SPHKAP: variants seen among roughly 807,000 people sequenced by gnomAD.
The protein encoded by SPHKAP is A-kinase anchor protein SPHKAP.
In SPHKAP, 67 loss-of-function variants were observed where a neutral mutation model predicts 137.5. The observed-to-expected ratio is 0.49, with a 90% CI of 0.40 to 0.60. The LOEUF (loss-of-function observed/expected upper bound fraction) is 0.60. SPHKAP is among the 20% of genes least tolerant of loss of function. The pLI is 0.00. For missense variants in SPHKAP, 2,097 were observed against 2,069.3 expected (o/e 1.01, Z -0.26); for synonymous variants, 813 against 785.3 (o/e 1.04, Z -0.59).
intron 7 of SPHKAP, among the ~76,000 whole-genome samples, chr2:228,001,366 C>T (rs1294456624): frequency 1.2e-4 from 16 of 139,118 alleles, no homozygotes; most frequent in African/African-American, 4.2e-4. Flanking sequence ...TAAATATATA[C>T]ACACATAAAT....
intron 3 of SPHKAP, among the ~76,000 whole-genome samples, chr2:228,030,440 G>A (rs1695243990): frequency 1.0e-5 from 1 of 96,174 alleles, no homozygotes; most frequent in Non-Finnish European, 2.0e-5. Flanking sequence ...CTTGAAGCTG[G>A]GAGGCAGAGG....
intron 1 of SPHKAP, 38 bp from the exon 2 acceptor site, chr2:228,132,123 A>C (rs376934675): frequency 1.2e-5 from 18 of 1,478,104 alleles, no homozygotes; most frequent in Non-Finnish European, 1.7e-5. Flanking sequence ...CATTCCAGTG[A>C]GTCATATCTA....
chr2:228,052,037 C>T (rs1696273230), intron 3 of SPHKAP, among the ~76,000 whole-genome samples: 1 of 152,092 alleles, frequency 6.6e-6, no homozygotes, highest in African/African-American at 2.4e-5. Context: ...TCTAGCCCAA[C>T]AAAAGCGAGC....
At chr2:228,180,986 G>T (rs1384527796) in intron 1 of SPHKAP, among the ~76,000 whole-genome samples, 2 of 152,074 alleles carry the variant, frequency 1.3e-5, no homozygotes, top group Non-Finnish European at 2.9e-5. Flanking sequence ...ACTGGCAGGG[G>T]GTGTGGGGAC....
intron 1 of SPHKAP, among the ~76,000 whole-genome samples, chr2:228,154,610 A>C (rs1700050538): frequency 7.8e-6 from 1 of 127,814 alleles, no homozygotes; most frequent in South Asian, 2.7e-4. Context: ...GTGCAGTGGC[A>C]CGATCTAGGC....
chr2:228,154,484 C>CTCTCTT (rs1700036296), intron 1 of SPHKAP, among the ~76,000 whole-genome samples: 2 of 32,516 alleles, frequency 6.2e-5, no homozygotes, highest in Non-Finnish European at 1.1e-4. Flanking sequence ...TAAATAAACT[C>CTCTCTT]TCTCTCTCTC....
rs532332796 is a variant in SPHKAP, at chr2:227,996,622, G to A, written c.4449-928C>T. Among the ~76,000 whole-genome samples, 18 of 152,224 alleles carry A rather than the reference G, an allele frequency of 1.2e-4. 1 individual carries two copies. The East Asian group carries it at 2.7e-3, about 23-fold the overall frequency. The stretch of plus-strand genomic sequence containing the variant: ...CTGGATTCTGGGCTCCTTTACAAGC[G>A]GGTCTTCTGCATATCTCATTAACAT... On this transcript the variant is annotated intron_variant, in intron 7 of 11. Transcript: ENST00000392056.
intron 2 of SPHKAP, chr2:228,131,350 G>A: frequency 1.0e-6 from 1 of 975,852 alleles, no homozygotes; most frequent in Non-Finnish European, 1.2e-6. Flanking sequence ...AAAAGCATTA[G>A]ATGGGGAACC....
Position 228,035,902 on chromosome 2 carries a change from C to T in SPHKAP, c.247-8359G>A, listed in dbSNP as rs10210779. On this transcript the variant is annotated intron_variant, in intron 3 of 11. Coordinates refer to ENST00000392056, the MANE Select transcript of SPHKAP (RefSeq NM_001142644.2). The stretch of plus-strand genomic sequence containing the variant: ...TAATTCAAGATGGATTAAAGACTTA[C>T]ATGTTAGACCTAAAACCATAAAAAC... Among the ~76,000 whole-genome samples, 75 of 151,660 alleles carry T rather than the reference C, an allele frequency of 4.9e-4. No individual in the cohort carries two copies. In the East Asian group the frequency reaches 0.01, roughly 21 times the overall value.
chr2:228,001,524 TATACATATATATAAAAATATAC>T (rs1481130146), intron 7 of SPHKAP, among the ~76,000 whole-genome samples: 1 of 144,428 alleles, frequency 6.9e-6, no homozygotes, highest in Non-Finnish European at 1.5e-5. Context: ...TAAGAATATA[TATACATATATATAAAAATATAC>T]ATATATATAA....
At chr2:228,123,915 T>G (rs927978531) in intron 2 of SPHKAP, among the ~76,000 whole-genome samples, 2 of 152,144 alleles carry the variant, frequency 1.3e-5, no homozygotes, top group Admixed American at 1.3e-4. Flanking sequence ...CATCAAAAAG[T>G]GGGCAAAGGA....
intron 4 of SPHKAP, 71 bp from the exon 5 acceptor site, chr2:228,025,599 C>T: frequency 6.4e-7 from 1 of 1,564,796 alleles, no homozygotes; most frequent in South Asian, 1.2e-5. Flanking sequence ...ACTACTTTAC[C>T]TTCAGAAATA....
At chr2:228,132,211 A>T in intron 1 of SPHKAP, 126 bp from the exon 2 acceptor site, 1 of 780,676 alleles carries the variant, frequency 1.3e-6, no homozygotes, top group Non-Finnish European at 2.1e-6. Context: ...TAAACACTGC[A>T]AATCCCCCTG....
intron 3 of SPHKAP, among the ~76,000 whole-genome samples, chr2:228,040,823 T>C (rs534309056): frequency 6.6e-6 from 1 of 152,348 alleles, no homozygotes; most frequent in African/African-American, 2.4e-5. Context: ...GACATTTCAT[T>C]TGAATCGAGG....
chr2:228,062,588 T>C (rs957267600), intron 3 of SPHKAP, among the ~76,000 whole-genome samples: 6 of 151,660 alleles, frequency 4.0e-5, no homozygotes, highest in African/African-American at 1.5e-4. Context: ...CTCCATACCA[T>C]GTCTCTATTA....
intron 3 of SPHKAP, among the ~76,000 whole-genome samples, chr2:228,064,277 G>A (rs1228668374): frequency 6.6e-6 from 1 of 152,108 alleles, no homozygotes; most frequent in African/African-American, 2.4e-5. Context: ...ATCACAACCA[G>A]GCAGAAGAAT....
chr2:228,083,109 G>T (rs1271784831), intron 3 of SPHKAP, among the ~76,000 whole-genome samples: 1 of 151,686 alleles, frequency 6.6e-6, no homozygotes, highest in East Asian at 1.9e-4. Context: ...TTTCCTCAAA[G>T]AAAAAATAAA....
intron 1 of SPHKAP, among the ~76,000 whole-genome samples, chr2:228,160,872 G>A (rs1243757707): frequency 6.6e-6 from 1 of 152,120 alleles, no homozygotes; most frequent in Non-Finnish European, 1.5e-5. Context: ...TGAGTTCTCT[G>A]CGCTCACAGG....
At chr2:228,140,802 A>G (rs1423732631) in intron 1 of SPHKAP, among the ~76,000 whole-genome samples, 1 of 150,646 alleles carries the variant, frequency 6.6e-6, no homozygotes, top group Non-Finnish European at 1.5e-5. Flanking sequence ...AGTGGATGAC[A>G]CCCCCCTCTC....
Sources: allele counts gnomAD v4.1 joint callset (sites outside exome capture counted in the v4.1 genomes callset), GRCh38; gene constraint gnomAD v4.1.1; transcripts MANE v1.5; gene names NCBI Gene and HGNC (gene_info 2026-07-23, HGNC 2026-07-21).